PSD3: variants seen among roughly 807,000 people sequenced by gnomAD.
The protein encoded by PSD3 is pleckstrin and Sec7 domain containing 3.
In PSD3, 49 loss-of-function variants were observed where a neutral mutation model predicts 105.5. The observed-to-expected ratio is 0.46, with a 90% CI of 0.37 to 0.59. The LOEUF (loss-of-function observed/expected upper bound fraction) is 0.59. Among genes scored for constraint, PSD3 ranks in the 20% least tolerant of loss-of-function variants. The pLI is 0.00. For synonymous variants in PSD3, 557 were observed against 457.8 expected, an observed-to-expected ratio of 1.22 and a Z score of -2.77; for missense variants, 1,561 against 1,263.8, an observed-to-expected ratio of 1.24 and a Z score of -3.57.
At chr8:18,708,336 T>G (rs950688041) in intron 9 of PSD3, among the ~76,000 whole-genome samples, 1 of 152,170 alleles carries the variant, frequency 6.6e-6, no homozygotes, top group Non-Finnish European at 1.5e-5. Flanking sequence ...GTAAAGCACC[T>G]AGCTCAATAC....
At chr8:18,603,595 A>G (rs573912117) in intron 11 of PSD3, among the ~76,000 whole-genome samples, 1 of 152,248 alleles carries the variant, frequency 6.6e-6, no homozygotes, top group South Asian at 2.1e-4. Context: ...CCATTGTTGC[A>G]ATGTTGATAG....
chr8:18,743,680 G>C (rs886390010), intron 9 of PSD3, among the ~76,000 whole-genome samples: 3 of 151,508 alleles, frequency 2.0e-5, no homozygotes, highest in Non-Finnish European at 4.4e-5. Context: ...AACTTAGAAA[G>C]TGGAAGTTCC....
chr8:18,528,252 G>A lies in PSD3; in HGVS notation c.*7491C>T, dbSNP rs1449239748. 2.0e-5 allele frequency: 3 copies of A among 152,184 alleles called. No individual in the cohort carries two copies. Among genetic ancestry groups the A allele is most frequent in the Admixed American group, 6.5e-5 (1 of 15,274 alleles). 9.4% of individuals were successfully genotyped at this position (152,184 alleles called of 1,614,324 possible). A position where few individuals can be genotyped will look rare whatever the true frequency, so the allele number is the denominator to read the frequency against. ...GAACAAAGCTGCTAAGCTAGCACTT[G>A]AGTATTCCTCGACCCTTCCCCTAGA... On this transcript the variant is annotated 3_prime_UTR_variant, in exon 16 of 16. Coordinates refer to ENST00000327040, the MANE Select transcript of PSD3 (RefSeq NM_015310.4).
intron 3 of PSD3, among the ~76,000 whole-genome samples, chr8:18,868,815 A>T (rs1057484315): frequency 5.9e-5 from 9 of 152,190 alleles, no homozygotes; most frequent in Non-Finnish European, 7.3e-5. Flanking sequence ...AAAACTTGGG[A>T]GATAGATCAC....
intron 1 of PSD3, among the ~76,000 whole-genome samples, chr8:18,938,076 TG>T (rs1822268680): frequency 1.3e-5 from 2 of 152,172 alleles, no homozygotes; most frequent in Admixed American, 1.3e-4. Context: ...ATGGGTTTGA[TG>T]GGAAGCCACT....
intron 4 of PSD3, among the ~76,000 whole-genome samples, chr8:18,847,536 A>C (rs995925512): frequency 3.3e-5 from 5 of 152,208 alleles, no homozygotes; most frequent in Admixed American, 2.6e-4. Flanking sequence ...TTTTGAATAA[A>C]CGATCCTAAC....
chr8:18,995,929 G>A lies in PSD3; in HGVS notation c.21+17634C>T, dbSNP rs28582090. Among the ~76,000 whole-genome samples, 724 of 152,070 alleles carry A rather than the reference G, an allele frequency of 4.8e-3. 7 individuals are homozygous for A. The highest frequency in any genetic ancestry group is 0.017 in the African/African-American group (701 of 41,518). On this transcript the variant is annotated intron_variant, in intron 1 of 15. Transcript: ENST00000327040. ...AAGACCAGATTTGGGTGGGGACACA[G>A]CCAAACCATATCAGCCAGCATCCGT... is the stretch of plus-strand genomic sequence containing the variant.
intron 9 of PSD3, among the ~76,000 whole-genome samples, chr8:18,664,358 A>T (rs1460994460): frequency 6.6e-6 from 1 of 152,220 alleles, no homozygotes; most frequent in African/African-American, 2.4e-5. Context: ...ATATGGAGAA[A>T]GTTTAAATGG....
At chr8:18,702,540 G>A (rs1167686087) in intron 9 of PSD3, among the ~76,000 whole-genome samples, 3 of 152,032 alleles carry the variant, frequency 2.0e-5, no homozygotes, top group Admixed American at 6.6e-5. Context: ...GATATTCATC[G>A]CCTTAAACAT....
At chr8:18,682,650 G>A (rs1309483891) in intron 9 of PSD3, among the ~76,000 whole-genome samples, 3 of 152,202 alleles carry the variant, frequency 2.0e-5, no homozygotes, top group African/African-American at 7.2e-5. Context: ...CATAATGTAA[G>A]GGGGTGAATA....
At chr8:18,742,851 C>G (rs772988165) in intron 9 of PSD3, among the ~76,000 whole-genome samples, 10 of 152,170 alleles carry the variant, frequency 6.6e-5, no homozygotes, top group Non-Finnish European at 1.5e-4. Flanking sequence ...CATAACCTTT[C>G]ACAACCTAGG....
Position 19,076,540 on chromosome 8 carries a change from C to G in PSD3, c.324+7666G>C, listed in dbSNP as rs559153526. On this transcript the variant is annotated intron_variant, in intron 1 of 1. Transcript: ENST00000521475. ...TGAAAGACCTAAGGGTACCAGCAAG[C>G]AATACTTGGGTACCAGCAGCAAGAT... Among the ~76,000 whole-genome samples, 15 of 152,148 alleles carry G rather than the reference C, an allele frequency of 9.9e-5. 1 individual carries two copies. The South Asian group carries it at 3.1e-3, about 32-fold the overall frequency.
At chr8:18,607,599 G>C (rs1804938438) in intron 11 of PSD3, among the ~76,000 whole-genome samples, 1 of 145,652 alleles carries the variant, frequency 6.9e-6, no homozygotes, top group South Asian at 2.2e-4. Context: ...GGATCTAGGA[G>C]TGATATTAAA....
intron 14 of PSD3, among the ~76,000 whole-genome samples, chr8:18,569,315 T>C (rs1235397891): frequency 7.4e-6 from 1 of 134,512 alleles, no homozygotes; most frequent in Non-Finnish European, 1.6e-5. Flanking sequence ...TAGTTTACAG[T>C]CCCACCAACA....
At chr8:18,963,599 A>C (rs1006018919) in intron 1 of PSD3, among the ~76,000 whole-genome samples, 3 of 152,216 alleles carry the variant, frequency 2.0e-5, no homozygotes, top group Non-Finnish European at 4.4e-5. Context: ...AGAATCACTG[A>C]TTAGTTCCTT....
At position 18,591,896 on chromosome 8, in the gene PSD3, G is replaced by A. The variant is rs550628719; in HGVS notation, c.2481+8468C>T. Among the ~76,000 whole-genome samples the A allele has an allele frequency of 2.0e-5, 3 of 152,186 alleles. No homozygotes were observed. The South Asian group carries it at 6.2e-4, about 32-fold the overall frequency. On this transcript the variant is annotated intron_variant, in intron 12 of 15. Transcript: ENST00000327040. Reference sequence around the variant, plus strand: ...GCAAGGATTATGGGCTCCTGAAAAAGGATTCAGAGTTCCCTAAAATCTGTT... The same window carrying A: ...GCAAGGATTATGGGCTCCTGAAAAAAGATTCAGAGTTCCCTAAAATCTGTT...
At chr8:19,080,648 C>T (rs1462669199) in intron 1 of PSD3, among the ~76,000 whole-genome samples, 1 of 152,174 alleles carries the variant, frequency 6.6e-6, no homozygotes, top group Non-Finnish European at 1.5e-5. Context: ...CATTTCCTCG[C>T]TGTTTCCTAA....
chr8:18,962,584 G>A (rs1049749650), intron 1 of PSD3, among the ~76,000 whole-genome samples: 5 of 152,184 alleles, frequency 3.3e-5, no homozygotes, highest in African/African-American at 1.2e-4. Flanking sequence ...GTGTTAGGTT[G>A]AGAATGGGTT....
Position 18,872,107 on chromosome 8 carries a change from G to C in PSD3, c.757C>G (p.Leu253Val), listed in dbSNP as rs918311748. The change falls in exon 3 of 16, where the codon CTC becomes GTC. Residue 253 changes from leucine (L) to valine (V), a missense_variant. By Grantham distance (32) the Leu-to-Val change is conservative (BLOSUM62 1). Coordinates refer to ENST00000327040, the MANE Select transcript of PSD3 (RefSeq NM_015310.4). The stretch of plus-strand genomic sequence containing the variant: ...TGGCAGGTCACTGCTGAGCTCCCGA[G>C]GGAGGCCAAAGGACAAGATGGCTCC... ...VQEPSCPLAS[L>V]GSSAVTCHSA... 5.6e-6 allele frequency: 9 copies of C among 1,613,970 alleles called. No homozygotes were observed. Among genetic ancestry groups the C allele is most frequent in the Admixed American group, 5.0e-5 (3 of 60,008 alleles).
Sources: allele counts gnomAD v4.1 joint callset (sites outside exome capture counted in the v4.1 genomes callset), GRCh38; gene constraint gnomAD v4.1.1; transcripts MANE v1.5; gene names NCBI Gene and HGNC (gene_info 2026-07-23, HGNC 2026-07-21).